BMP7: variants seen among roughly 807,000 people sequenced by gnomAD.
BMP7 encodes bone morphogenetic protein 7, also known as osteogenic protein 1.
In BMP7, 12 loss-of-function variants were observed where a neutral mutation model predicts 41.2. The ratio of observed to expected loss-of-function variants is 0.29; its 90% CI spans 0.19 to 0.47. BMP7 has a LOEUF of 0.47. BMP7 is among the 20% of genes least tolerant of loss of function. The pLI is 0.99. For missense variants in BMP7, 467 were observed against 606.0 expected (o/e 0.77, Z 2.41); for synonymous variants, 248 against 250.0 (o/e 0.99, Z 0.07).
At chr20:57,243,039 C>G (rs1369697532) in intron 1 of BMP7, among the ~76,000 whole-genome samples, 1 of 152,184 alleles carries the variant, frequency 6.6e-6, no homozygotes, top group Non-Finnish European at 1.5e-5. Flanking sequence ...CTGTATGTGG[C>G]TCATGGCCTT....
chr20:57,245,287 C>A (rs1352001991), intron 1 of BMP7, among the ~76,000 whole-genome samples: 2 of 152,192 alleles, frequency 1.3e-5, no homozygotes, highest in Non-Finnish European at 2.9e-5. Context: ...CTTTAAACCT[C>A]TTTCCGGTGT....
chr20:57,190,626 G>GT (rs1180367317), intron 3 of BMP7, among the ~76,000 whole-genome samples: 11 of 152,060 alleles, frequency 7.2e-5, no homozygotes, highest in Non-Finnish European at 1.3e-4. Flanking sequence ...AATGCCGTGT[G>GT]GGGAACCAAC....
chr20:57,183,253 G>C (rs1187587053), intron 4 of BMP7, among the ~76,000 whole-genome samples: 1 of 151,948 alleles, frequency 6.6e-6, no homozygotes, highest in South Asian at 2.1e-4. Context: ...AAAAATGTGT[G>C]TGTGTGTATA....
At chr20:57,251,578 AG>A (rs535899177) in intron 1 of BMP7, among the ~76,000 whole-genome samples, 8 of 152,108 alleles carry the variant, frequency 5.3e-5, no homozygotes, top group African/African-American at 1.9e-4. Flanking sequence ...GTGAACATGG[AG>A]GGGGGGCAGG....
intron 2 of BMP7, among the ~76,000 whole-genome samples, chr20:57,209,247 T>TATA (rs1984815814): frequency 2.6e-4 from 18 of 69,860 alleles, no homozygotes; most frequent in Non-Finnish European, 2.9e-4. Context: ...ATTTATATAT[T>TATA]TTTATATATA....
At position 57,228,273 on chromosome 20, in the gene BMP7, C is replaced by A. The variant is rs547066469; in HGVS notation, c.567G>T (p.Thr189=). Residue 189 remains threonine (T), a synonymous_variant, in exon 2 of 7, where the codon ACG becomes ACT. Transcript: ENST00000395863. This position sits in a 1 kb window ranked among gnomAD's most constrained non-coding sequence, Gnocchi z 4.5. ...GCACCTGATAAACGCTGATCCGGAA[C>A]GTCTCATTGTCGAAGCGTTCCCGGA... is the stretch of plus-strand genomic sequence containing the variant. ...DYIRERFDNE[T]FRISVYQVLQ... The A allele has an allele frequency of 6.2e-7, 1 of 1,614,138 alleles. No individual in the cohort carries two copies. The highest frequency in any genetic ancestry group is 8.5e-7 in the Non-Finnish European group (1 of 1,180,042).
At chr20:57,243,565 G>A (rs1455973944) in intron 1 of BMP7, among the ~76,000 whole-genome samples, 1 of 152,170 alleles carries the variant, frequency 6.6e-6, no homozygotes, top group Non-Finnish European at 1.5e-5. Flanking sequence ...TTTGAGGCCT[G>A]GGATGGGGGC....
At chr20:57,175,093 G>T in intron 4 of BMP7, 86 bp from the exon 5 acceptor site, 1 of 1,360,376 alleles carries the variant, frequency 7.4e-7, no homozygotes, top group Non-Finnish European at 1.0e-6. Context: ...CTTAGGCAGT[G>T]ATGTGAACAG....
chr20:57,203,911 T>C (rs578205507), intron 2 of BMP7, among the ~76,000 whole-genome samples: 22 of 152,346 alleles, frequency 1.4e-4, no homozygotes, highest in African/African-American at 5.3e-4. Context: ...ACTTACCATA[T>C]GCCAGGCTCC....
At position 57,171,153 on chromosome 20, in the gene BMP7, T is replaced by A; in HGVS notation, c.1147-45A>T. The A allele has an allele frequency of 6.2e-7, 1 of 1,612,894 alleles. No homozygotes were observed. Among genetic ancestry groups the A allele is most frequent in the Non-Finnish European group, 8.5e-7 (1 of 1,179,324 alleles). On this transcript the variant is annotated intron_variant, in intron 6 of 6. Transcript: ENST00000395863. This position sits in a 1 kb window ranked among gnomAD's most constrained non-coding sequence, Gnocchi z 4.5. ...ATGGGCAGTGGTGAGAAGCGGTGAG[T>A]CGTTCTAACTGGCCTCCACGTTTCT...
At chr20:57,200,060 G>A (rs1017898071) in intron 3 of BMP7, among the ~76,000 whole-genome samples, 1 of 152,220 alleles carries the variant, frequency 6.6e-6, no homozygotes, top group African/African-American at 2.4e-5. Context: ...GTTCTCAGGA[G>A]CCTCCATTTC....
Position 57,183,777 on chromosome 20 carries a change from C to T in BMP7, c.903G>A (p.Gln301=). Residue 301 remains glutamine, a synonymous_variant, in exon 4 of 7, where the codon CAG becomes CAA. Coordinates refer to ENST00000395863, the MANE Select transcript of BMP7 (RefSeq NM_001719.3). ...IRSTGSKQRS[Q]NRSKTPKNQE... is the part of the protein sequence containing the mutation. ...GGTTCTTGGGCGTCTTGGAGCGGTT[C>T]TGGCTGCGCTGTTTGCTCCCCGTGG... The T allele has an allele frequency of 2.5e-6, 4 of 1,614,206 alleles. No homozygotes were observed. Among genetic ancestry groups the T allele is most frequent in the Non-Finnish European group, 3.4e-6 (4 of 1,180,044 alleles).
At chr20:57,191,122 G>C (rs1007840489) in intron 3 of BMP7, among the ~76,000 whole-genome samples, 1 of 152,208 alleles carries the variant, frequency 6.6e-6, no homozygotes, top group Non-Finnish European at 1.5e-5. Context: ...AGTCATCGCA[G>C]CCGAGTCTGA....
intron 1 of BMP7, among the ~76,000 whole-genome samples, chr20:57,245,971 T>G (rs1460078338): frequency 6.6e-6 from 1 of 152,196 alleles, no homozygotes; most frequent in African/African-American, 2.4e-5. Context: ...ATTGTACAAT[T>G]AAATTTATAT....
chr20:57,226,459 C>T (rs953294659), intron 2 of BMP7, among the ~76,000 whole-genome samples: 1 of 152,220 alleles, frequency 6.6e-6, no homozygotes, highest in Non-Finnish European at 1.5e-5. Context: ...CGTATGTCAG[C>T]GAGGGTACTT....
At chr20:57,246,013 C>A (rs2066089549) in intron 1 of BMP7, among the ~76,000 whole-genome samples, 1 of 152,112 alleles carries the variant, frequency 6.6e-6, no homozygotes, top group African/African-American at 2.4e-5. Context: ...TTAATTTATG[C>A]TATTAGAAAA....
Position 57,216,575 on chromosome 20 carries a change from G to A in BMP7, c.611+11654C>T, listed in dbSNP as rs530674804. Among the ~76,000 whole-genome samples the A allele has an allele frequency of 5.3e-5, 8 of 151,480 alleles. No homozygotes were observed. The East Asian group carries it at 1.6e-3, about 30-fold the overall frequency. ...GAGGGGCTGTCTCCTGAGGGTGAGG[G>A]GCTGTCTCTTGAGGGCGAGGGGCTG... On this transcript the variant is annotated intron_variant, in intron 2 of 6. Transcript: ENST00000395863.
At position 57,266,319 on chromosome 20, in the gene BMP7, G is replaced by GGCCCCTC. The variant is rs2066178784; in HGVS notation, c.-204_-198dup. 1 of 361,220 alleles carries GGCCCCTC rather than the reference G, an allele frequency of 2.8e-6. No individual in the cohort carries two copies. The highest frequency in any genetic ancestry group is 1.4e-4 in the South Asian group (1 of 7,382). 22.4% of individuals were successfully genotyped at this position (361,220 alleles called of 1,614,324 possible). On this transcript the variant is annotated 5_prime_UTR_variant, in exon 1 of 7. Coordinates refer to ENST00000395863, the MANE Select transcript of BMP7 (RefSeq NM_001719.3). The stretch of plus-strand genomic sequence containing the variant: ...CGCCCCCTGCTCGGTGCTGGCCCCG[G>GGCCCCTC]GCCCCTCGCCCCGCACTCGCCCGGG...
At chr20:57,219,856 C>G (rs1417918326) in intron 2 of BMP7, among the ~76,000 whole-genome samples, 1 of 152,226 alleles carries the variant, frequency 6.6e-6, no homozygotes, top group Non-Finnish European at 1.5e-5. Context: ...ATCCTTCACT[C>G]TCACAGCCAC....
Sources: gnomAD v4.1 joint callset for allele counts (sites outside exome capture counted in the v4.1 genomes callset) on GRCh38, gnomAD v4.1.1 for gene constraint, Gnocchi (gnomAD v3.1) non-coding constraint, MANE v1.5 for transcripts, NCBI Gene and HGNC (gene_info 2026-07-23, HGNC 2026-07-21) for gene names.